Variants in APPBP2 observed in about 807,000 individuals in gnomAD.
The protein encoded by APPBP2 is amyloid beta precursor protein binding protein 2.
In APPBP2, 15 loss-of-function variants were observed where a neutral mutation model predicts 76.0. The ratio of observed to expected loss-of-function variants is 0.20; its 90% confidence interval spans 0.13 to 0.30. APPBP2 has a LOEUF of 0.30. Ranked by LOEUF, APPBP2 falls within the 10% of genes least tolerant of loss-of-function variation. APPBP2 has a pLI of 1.00. For missense variants in APPBP2, 401 were observed against 687.2 expected (o/e 0.58, Z 4.66); for synonymous variants, 222 against 242.2 (o/e 0.92, Z 0.77).
chr17:60,458,451 C>A (rs561216893), intron 9 of APPBP2, among the ~76,000 whole-genome samples: 180 of 146,794 alleles, frequency 1.2e-3, no homozygotes, highest in African/African-American at 3.5e-3. Flanking sequence ...AAAAACAAAA[C>A]AAAAACAAAA....
chr17:60,500,567 T>A, intron 1 of APPBP2, 80 bp from the exon 2 acceptor site: 3 of 1,002,376 alleles, frequency 3.0e-6, no homozygotes, highest in Non-Finnish European at 4.5e-6. Context: ...TAAATGTAAT[T>A]TGATTAATTT....
chr17:60,447,725 A>G lies in APPBP2; in HGVS notation c.1614T>C (p.Asn538=). The change falls in exon 13 of 13, where the codon AAT becomes AAC. Residue 538 remains asparagine, a synonymous_variant. Transcript: ENST00000083182. ...GCAACCGGTTCCAGTTAGACAGAAC[A>G]TTGTGATATTCAAACACTTTCTCGT... is the stretch of plus-strand genomic sequence containing the variant. ...GNYEKVFEYH[N]VLSNWNRLRD... is the part of the protein sequence containing the mutation. 6.2e-7 allele frequency: 1 copy of G among 1,614,160 alleles called. No individual in the cohort carries two copies. The highest frequency in any genetic ancestry group is 8.5e-7 in the Non-Finnish European group (1 of 1,180,030).
In APPBP2 at chr17:60,469,245, G is replaced by T. The variant is rs2090533622; in HGVS notation, c.504-2786C>A. Among the ~76,000 whole-genome samples the T allele has an allele frequency of 2.0e-5, 3 of 148,324 alleles. No homozygotes were observed. In the East Asian group the frequency reaches 6.0e-4, roughly 29 times the overall value. On this transcript the variant is annotated intron_variant, in intron 4 of 12. Coordinates refer to ENST00000083182, the MANE Select transcript of APPBP2 (RefSeq NM_006380.5). ...GGAGGCTGAGGCAGAAGAATCGCTT[G>T]AACCCAGGAGGCAGAGATTGCAGTG... is the stretch of plus-strand genomic sequence containing the variant.
Position 60,525,963 on chromosome 17 carries a change from T to C in APPBP2, c.-32A>G. ...TCCCTCCTCCTCCGCCTCCTCCGCC[T>C]CCTCCTCCCGAAGGCCCCCACCTCC... On this transcript the variant is annotated 5_prime_UTR_variant, in exon 1 of 13. Coordinates refer to ENST00000083182, the MANE Select transcript of APPBP2 (RefSeq NM_006380.5). 2 of 1,552,972 alleles carry C rather than the reference T, an allele frequency of 1.3e-6. No homozygotes were observed. Among genetic ancestry groups the C allele is most frequent in the Non-Finnish European group, 1.7e-6 (2 of 1,146,002 alleles).
chr17:60,491,206 T>C (rs892046525), intron 3 of APPBP2, among the ~76,000 whole-genome samples: 9 of 152,116 alleles, frequency 5.9e-5, no homozygotes, highest in Admixed American at 5.9e-4. Context: ...TGGTCTCAGA[T>C]GGAGATGAGG....
intron 1 of APPBP2, among the ~76,000 whole-genome samples, chr17:60,505,254 TATC>T (rs1440411273): frequency 6.6e-6 from 1 of 152,228 alleles, no homozygotes; most frequent in Non-Finnish European, 1.5e-5. Flanking sequence ...AAGTAACTCA[TATC>T]ATGCCATTCT....
At chr17:60,489,305 A>G (rs893825335) in intron 3 of APPBP2, among the ~76,000 whole-genome samples, 6 of 150,996 alleles carry the variant, frequency 4.0e-5, no homozygotes, top group African/African-American at 1.5e-4. Flanking sequence ...TGGCTACTAC[A>G]AAGAATTATT....
chr17:60,474,184 T>A (rs947599824), intron 4 of APPBP2, among the ~76,000 whole-genome samples: 13 of 151,950 alleles, frequency 8.6e-5, no homozygotes, highest in Non-Finnish European at 1.3e-4. Context: ...TTTATTTTTT[T>A]TTTTTGAGAC....
intron 1 of APPBP2, among the ~76,000 whole-genome samples, chr17:60,505,828 C>T (rs113070254): frequency 0.081 from 12,250 of 151,066 alleles, 1,650 homozygotes; most frequent in African/African-American, 0.28. Flanking sequence ...GGATTACAGG[C>T]GCCCGCCACC....
At chr17:60,487,004 G>C (rs369757145) in intron 3 of APPBP2, among the ~76,000 whole-genome samples, 2 of 152,186 alleles carry the variant, frequency 1.3e-5, no homozygotes, top group East Asian at 3.8e-4. Context: ...TTTTCTTTAA[G>C]AATGTTGAAT....
chr17:60,516,871 T>C (rs1288244409), intron 1 of APPBP2, among the ~76,000 whole-genome samples: 3 of 152,172 alleles, frequency 2.0e-5, no homozygotes, highest in Non-Finnish European at 4.4e-5. Context: ...GGGTGTACAG[T>C]AAAACAGTAC....
chr17:60,449,822 TA>T (rs1183852949), intron 12 of APPBP2, among the ~76,000 whole-genome samples: 1 of 151,864 alleles, frequency 6.6e-6, no homozygotes, highest in Non-Finnish European at 1.5e-5. Context: ...TTTGGAGACG[TA>T]GTCTTGCTCC....
intron 1 of APPBP2, among the ~76,000 whole-genome samples, chr17:60,509,209 A>G (rs113847397): frequency 0.082 from 12,456 of 151,854 alleles, 1,689 homozygotes; most frequent in African/African-American, 0.28. Context: ...GTGAAACCCC[A>G]TCTCTAATAA....
At chr17:60,477,768 T>C (rs1406410613) in intron 4 of APPBP2, among the ~76,000 whole-genome samples, 1 of 132,076 alleles carries the variant, frequency 7.6e-6, no homozygotes, top group Non-Finnish European at 1.6e-5. Flanking sequence ...AAAAGGTCAA[T>C]GACAGCCTCA....
intron 5 of APPBP2, 118 bp from the exon 6 acceptor site, chr17:60,464,228 TAC>T (rs767157050): frequency 3.3e-5 from 23 of 690,348 alleles, no homozygotes; most frequent in Non-Finnish European, 4.3e-5. Flanking sequence ...ACAAAATATT[TAC>T]AGTTAGAATT....
rs1422567697 is a variant in APPBP2, at chr17:60,521,345, T to C, written c.138+4449A>G. On this transcript the variant is annotated intron_variant, in intron 1 of 12. Transcript: ENST00000083182. ...AATTTATAGTCGTCTAAGTATACAC[T>C]GTTTATAACATCTACAGTAGTGTAC... Among the ~76,000 whole-genome samples the C allele has an allele frequency of 3.9e-5, 6 of 152,240 alleles. No homozygotes were observed. The East Asian group carries it at 1.2e-3, about 29-fold the overall frequency.
At chr17:60,478,207 T>C (rs1457603112) in intron 4 of APPBP2, among the ~76,000 whole-genome samples, 2 of 152,158 alleles carry the variant, frequency 1.3e-5, no homozygotes, top group Non-Finnish European at 2.9e-5. Context: ...TTTTTGACTT[T>C]ATTTTAATTT....
chr17:60,505,676 GTTT>G (rs1170935393), intron 1 of APPBP2, among the ~76,000 whole-genome samples: 90 of 85,688 alleles, frequency 1.1e-3, no homozygotes, highest in African/African-American at 6.5e-3. Flanking sequence ...GACCCCTGCG[GTTT>G]TTTTTTTTTT....
intron 8 of APPBP2, chr17:60,460,998 TTAA>T (rs142540089): frequency 3.4e-3 from 944 of 280,862 alleles, no homozygotes; most frequent in East Asian, 4.8e-3. Context: ...AGGCCACGGC[TTAA>T]TAATAATAAT....
Sources: gnomAD v4.1 joint callset for allele counts (sites outside exome capture counted in the v4.1 genomes callset) on GRCh38, gnomAD v4.1.1 for gene constraint, MANE v1.5 for transcripts, NCBI Gene and HGNC (gene_info 2026-07-23, HGNC 2026-07-21) for gene names.